The following LRRTM4 variants were observed in gnomAD, a reference collection of about 807,000 sequenced individuals.
The protein encoded by LRRTM4 is leucine-rich repeat transmembrane neuronal protein 4.
Under a neutral mutation model 47.6 loss-of-function variants are expected in LRRTM4, and 25 were observed. That is an observed-to-expected ratio of 0.53 (90% CI 0.38 to 0.73). LRRTM4 has a LOEUF of 0.73. LRRTM4 is among the 30% of genes least tolerant of loss of function. LRRTM4 has a pLI of 0.00. For missense variants in LRRTM4, 638 were observed against 713.4 expected (o/e 0.89, Z 1.20); for synonymous variants, 311 against 269.5 (o/e 1.15, Z -1.51).
chr2:76,932,350 C>T (rs895717592), intron 3 of LRRTM4, among the ~76,000 whole-genome samples: 3 of 152,108 alleles, frequency 2.0e-5, no homozygotes, highest in African/African-American at 7.2e-5. Flanking sequence ...CCACCAATAA[C>T]TCCTTGTCTC....
At chr2:77,059,200 AAAG>A (rs1459970521) in intron 3 of LRRTM4, among the ~76,000 whole-genome samples, 5 of 152,166 alleles carry the variant, frequency 3.3e-5, no homozygotes, top group Admixed American at 2.6e-4. Flanking sequence ...TAACAACCTG[AAAG>A]AATACACTTC....
At chr2:76,945,781 A>ATG (rs1675304324) in intron 3 of LRRTM4, among the ~76,000 whole-genome samples, 2 of 151,252 alleles carry the variant, frequency 1.3e-5, no homozygotes, top group South Asian at 2.1e-4. Flanking sequence ...GTGTATGTGT[A>ATG]TGTATTTATT....
At chr2:77,521,638 C>A in intron 2 of LRRTM4, 30 bp downstream of exon 2, 2 of 1,612,084 alleles carry the variant, frequency 1.2e-6, no homozygotes, top group Non-Finnish European at 1.7e-6. Context: ...ATCAGCTTTG[C>A]TCAGAAGGAA....
At chr2:77,105,364 A>C (rs1320169847) in intron 3 of LRRTM4, among the ~76,000 whole-genome samples, 1 of 152,068 alleles carries the variant, frequency 6.6e-6, no homozygotes, top group East Asian at 1.9e-4. Context: ...AGGGACATGG[A>C]TGAAGCTGGA....
chr2:76,992,934 C>G (rs1677062228), intron 3 of LRRTM4, among the ~76,000 whole-genome samples: 1 of 151,086 alleles, frequency 6.6e-6, no homozygotes, highest in Admixed American at 6.6e-5. Context: ...ACACTTAAAC[C>G]AATGAAGCAC....
intron 3 of LRRTM4, among the ~76,000 whole-genome samples, chr2:77,484,131 A>T (rs2204914): frequency 6.6e-6 from 1 of 152,022 alleles, no homozygotes; most frequent in East Asian, 1.9e-4. Flanking sequence ...AGACACACAC[A>T]ATACTGGTCA....
intron 3 of LRRTM4, among the ~76,000 whole-genome samples, chr2:77,185,199 A>G (rs1673466602): frequency 6.6e-6 from 1 of 152,044 alleles, no homozygotes; most frequent in African/African-American, 2.4e-5. Flanking sequence ...CTTAGAAGAC[A>G]CCCTGTACTC....
At chr2:76,906,037 A>G (rs1028417538) in intron 3 of LRRTM4, among the ~76,000 whole-genome samples, 2 of 152,172 alleles carry the variant, frequency 1.3e-5, no homozygotes, top group African/African-American at 4.8e-5. Flanking sequence ...TCCAAGGCAC[A>G]TAATTGTCAG....
chr2:76,922,643 G>A (rs571883248), intron 3 of LRRTM4, among the ~76,000 whole-genome samples: 2 of 152,096 alleles, frequency 1.3e-5, no homozygotes, highest in South Asian at 2.1e-4. Context: ...GTAAAGAGAT[G>A]TTGGTCAAAG....
intron 3 of LRRTM4, among the ~76,000 whole-genome samples, chr2:77,094,154 A>G (rs1458533664): frequency 6.6e-6 from 1 of 152,204 alleles, no homozygotes; most frequent in African/African-American, 2.4e-5. Flanking sequence ...CACCAACAAA[A>G]AAAGCAATTT....
intron 3 of LRRTM4, among the ~76,000 whole-genome samples, chr2:76,843,059 A>G (rs532505568): frequency 6.6e-6 from 1 of 152,308 alleles, no homozygotes; most frequent in African/African-American, 2.4e-5. Flanking sequence ...CTCTTTTTGT[A>G]AATCAATACC....
chr2:77,440,258 C>CA (rs1675785386), intron 3 of LRRTM4, among the ~76,000 whole-genome samples: 1 of 151,978 alleles, frequency 6.6e-6, no homozygotes, highest in African/African-American at 2.4e-5. Context: ...ACTAAAAATA[C>CA]AAAAAATTAG....
chr2:77,412,191 T>C (rs748265003), intron 3 of LRRTM4, among the ~76,000 whole-genome samples: 6 of 152,306 alleles, frequency 3.9e-5, no homozygotes, highest in Admixed American at 1.3e-4. Flanking sequence ...TGTAGGTAAG[T>C]GGATTGAACA....
chr2:76,987,008 G>C (rs979542707), intron 3 of LRRTM4, among the ~76,000 whole-genome samples: 6 of 151,744 alleles, frequency 4.0e-5, no homozygotes, highest in African/African-American at 1.5e-4. Flanking sequence ...GAAGGTATTG[G>C]CTTCAATAAA....
chr2:77,359,671 AT>A (rs1672103507), intron 3 of LRRTM4, among the ~76,000 whole-genome samples: 1 of 152,196 alleles, frequency 6.6e-6, no homozygotes, highest in Admixed American at 6.5e-5. Context: ...TGAGTCACAC[AT>A]TTTTCATTGG....
intron 3 of LRRTM4, among the ~76,000 whole-genome samples, chr2:77,306,052 C>T (rs1360482232): frequency 6.6e-6 from 1 of 152,054 alleles, no homozygotes; most frequent in African/African-American, 2.4e-5. Context: ...ACATGTTATT[C>T]ATTGTATGAA....
intron 3 of LRRTM4, among the ~76,000 whole-genome samples, chr2:76,971,364 T>A (rs941842547): frequency 6.6e-6 from 1 of 152,050 alleles, no homozygotes; most frequent in African/African-American, 2.4e-5. Flanking sequence ...AACCACAGAT[T>A]TCCAAAGTTT....
intron 3 of LRRTM4, among the ~76,000 whole-genome samples, chr2:77,166,566 C>T (rs961669157): frequency 6.6e-6 from 1 of 152,142 alleles, no homozygotes; most frequent in Admixed American, 6.6e-5. Flanking sequence ...TATTACAAGG[C>T]TACAGTAACC....
At chr2:76,891,605 T>C (rs1244574584) in intron 3 of LRRTM4, among the ~76,000 whole-genome samples, 1 of 151,592 alleles carries the variant, frequency 6.6e-6, no homozygotes, top group African/African-American at 2.4e-5. Flanking sequence ...AAAAGTAACA[T>C]TTCAAATCAC....
Sources: allele counts gnomAD v4.1 joint callset (sites outside exome capture counted in the v4.1 genomes callset), GRCh38; gene constraint gnomAD v4.1.1; transcripts MANE v1.5; gene names NCBI Gene and HGNC (gene_info 2026-07-23, HGNC 2026-07-21).